SKIL: variants seen among roughly 807,000 people sequenced by gnomAD.
The protein encoded by SKIL is ski-like protein.
Under a neutral mutation model 69.6 loss-of-function variants are expected in SKIL, and 20 were observed. The observed-to-expected ratio is 0.29, with a 90% CI of 0.20 to 0.42. The LOEUF is 0.42. SKIL is among the 10% of genes least tolerant of loss of function. The pLI is 1.00. For synonymous variants in SKIL, 310 were observed against 279.9 expected, an observed-to-expected ratio of 1.11 and a Z score of -1.08; for missense variants, 745 against 783.1, an observed-to-expected ratio of 0.95 and a Z score of 0.58.
chr3:170,361,504 CTT>C (rs760164747), intron 2 of SKIL, 75 bp downstream of exon 2: 53 of 1,132,476 alleles, frequency 4.7e-5, no homozygotes, highest in Non-Finnish European at 6.2e-5. Context: ...TAGTGTGTAA[CTT>C]AACCTGTATG....
intron 1 of SKIL, among the ~76,000 whole-genome samples, chr3:170,358,281 C>CG (rs916159217): frequency 2.3e-4 from 35 of 150,216 alleles, no homozygotes; most frequent in Admixed American, 6.6e-4. Context: ...AGAGGGTGCG[C>CG]GGGGGGGTGG....
At chr3:170,385,385 C>G (rs547501834) in intron 4 of SKIL, among the ~76,000 whole-genome samples, 1 of 151,596 alleles carries the variant, frequency 6.6e-6, no homozygotes, top group Non-Finnish European at 1.5e-5. Context: ...AGCCACCGCA[C>G]CCAACCTTTA....
At chr3:170,384,037 C>CAAA (rs58541525) in intron 3 of SKIL, among the ~76,000 whole-genome samples, 3 of 71,022 alleles carry the variant, frequency 4.2e-5, no homozygotes, top group African/African-American at 8.4e-5. Context: ...AATTACTTGC[C>CAAA]AAAAAAAAAA....
chr3:170,372,903 G>A (rs1356345648), intron 2 of SKIL, among the ~76,000 whole-genome samples: 1 of 151,898 alleles, frequency 6.6e-6, no homozygotes, highest in Non-Finnish European at 1.5e-5. Flanking sequence ...CTACACTACT[G>A]CTTCTGTCTT....
intron 2 of SKIL, 57 bp downstream of exon 2, chr3:170,361,486 T>C: frequency 7.5e-7 from 1 of 1,337,930 alleles, no homozygotes; most frequent in Non-Finnish European, 1.0e-6. Flanking sequence ...AAATGAAAAT[T>C]CTATGTTTAG....
At chr3:170,375,682 C>G (rs935963980) in intron 2 of SKIL, among the ~76,000 whole-genome samples, 3 of 152,176 alleles carry the variant, frequency 2.0e-5, no homozygotes, top group African/African-American at 7.2e-5. Context: ...TCAACTGATT[C>G]TCCCACCTCA....
chr3:170,380,647 A>T lies in SKIL; in HGVS notation c.1099-597A>T, dbSNP rs969057762. The stretch of plus-strand genomic sequence containing the variant: ...GACAGAGCGAGACTCCATCTCAAAA[A>T]AAAAAAAAAAATAAATAAATAAAAT... On this transcript the variant is annotated intron_variant, in intron 2 of 6. Transcript: ENST00000259119. 3.4e-4 allele frequency among the ~76,000 whole-genome samples: 52 copies of T among 151,832 alleles called. 1 individual carries two copies. Among genetic ancestry groups the T allele is most frequent in the Admixed American group, 7.2e-4 (11 of 15,226 alleles).
chr3:170,363,585 A>G (rs1182901690), intron 2 of SKIL, among the ~76,000 whole-genome samples: 2 of 151,992 alleles, frequency 1.3e-5, no homozygotes, highest in African/African-American at 4.8e-5. Context: ...TCCTGGGTTC[A>G]AGTGATTCTC....
At chr3:170,373,669 A>G (rs1337240651) in intron 2 of SKIL, among the ~76,000 whole-genome samples, 1 of 152,212 alleles carries the variant, frequency 6.6e-6, no homozygotes, top group East Asian at 1.9e-4. Context: ...AGCAAGATTT[A>G]GTATTTGAAA....
At chr3:170,390,545 G>A in intron 5 of SKIL, 81 bp downstream of exon 5, 1 of 1,133,178 alleles carries the variant, frequency 8.8e-7, no homozygotes, top group South Asian at 1.5e-5. Flanking sequence ...GGAGTGCAGT[G>A]GCGCAGTCTC....
intron 4 of SKIL, among the ~76,000 whole-genome samples, chr3:170,385,809 CT>C (rs562437463): frequency 4.4e-4 from 63 of 141,888 alleles, no homozygotes; most frequent in East Asian, 6.2e-4. Context: ...TCTTTTTTTT[CT>C]TTTTTTTTTT....
chr3:170,388,545 A>C (rs1322656833), intron 4 of SKIL, among the ~76,000 whole-genome samples: 3 of 150,498 alleles, frequency 2.0e-5, no homozygotes, highest in Non-Finnish European at 4.4e-5. Context: ...CCATCCTTTC[A>C]CCTCAGCCTC....
At chr3:170,388,012 C>T (rs1366860172) in intron 4 of SKIL, among the ~76,000 whole-genome samples, 1 of 145,036 alleles carries the variant, frequency 6.9e-6, no homozygotes, top group Non-Finnish European at 1.5e-5. Context: ...ACTATATTTT[C>T]AGTTTTTTTT....
chr3:170,389,604 G>A (rs762032622), intron 4 of SKIL, among the ~76,000 whole-genome samples: 11 of 152,200 alleles, frequency 7.2e-5, no homozygotes, highest in South Asian at 2.1e-4. Flanking sequence ...GTGAGCCACC[G>A]CGCCTGGCCA....
intron 4 of SKIL, among the ~76,000 whole-genome samples, chr3:170,388,884 T>TTATTTATTTATTTATTTATTTATG (rs375843473): frequency 6.9e-6 from 1 of 144,494 alleles, no homozygotes; most frequent in African/African-American, 2.5e-5. Context: ...ATTTATTTAT[T>TTATTTATTTATTTATTTATTTATG]TTTGAGACAG....
intron 4 of SKIL, among the ~76,000 whole-genome samples, chr3:170,385,599 C>T (rs1255803157): frequency 6.6e-6 from 1 of 152,014 alleles, no homozygotes; most frequent in Non-Finnish European, 1.5e-5. Context: ...CTTACCGTGC[C>T]TTTTAAAATA....
chr3:170,387,591 G>C (rs965166462), intron 4 of SKIL, among the ~76,000 whole-genome samples: 2 of 151,604 alleles, frequency 1.3e-5, no homozygotes, highest in Admixed American at 6.6e-5. Flanking sequence ...TTCGTCAGTC[G>C]GACATTTGCA....
chr3:170,384,420 C>G, intron 3 of SKIL, 113 bp from the exon 4 acceptor site: 1 of 567,356 alleles, frequency 1.8e-6, no homozygotes, highest in Non-Finnish European at 3.1e-6. Context: ...GTAATATTGT[C>G]TGTTTTGGTT....
Position 170,384,582 on chromosome 3 carries a change from A to T in SKIL, c.1246A>T (p.Thr416Ser), listed in dbSNP as rs1277013584. ...AGTGGTTGCCCCAAATGTGTCACTTACTTCTGCTGTATCCCAGTCTAAAGA... is the reference window on the plus strand; with the variant it reads ...AGTGGTTGCCCCAAATGTGTCACTTTCTTCTGCTGTATCCCAGTCTAAAGA... Reference protein sequence around the residue: ...DKVVAPNVSLTSAVSQSKELT... With the variant: ...DKVVAPNVSLSSAVSQSKELT... Residue 416 changes from threonine (T) to serine (S), a missense_variant, in exon 4 of 7, where the codon ACT (threonine) becomes TCT (serine). Physicochemically the swap from Thr to Ser is moderately conservative, Grantham distance 58. Transcript: ENST00000259119. 2 of 1,612,282 alleles carry T rather than the reference A, an allele frequency of 1.2e-6. No homozygotes were observed. Among genetic ancestry groups the T allele is most frequent in the Non-Finnish European group, 8.5e-7 (1 of 1,179,024 alleles).
Sources: gnomAD v4.1 joint callset for allele counts (sites outside exome capture counted in the v4.1 genomes callset) on GRCh38, gnomAD v4.1.1 for gene constraint, MANE v1.5 for transcripts, NCBI Gene and HGNC (gene_info 2026-07-23, HGNC 2026-07-21) for gene names.